Variants in TASP1 observed in about 807,000 individuals in gnomAD.
TASP1 encodes the protein taspase 1, also known as threonine aspartase 1.
A neutral mutation model predicts 56.6 loss-of-function variants in TASP1; 16 were observed. That is an observed-to-expected ratio of 0.28 (90% CI 0.19 to 0.43). The LOEUF (loss-of-function observed/expected upper bound fraction) is 0.43, where lower values mean the gene tolerates loss of function less well. Ranked by LOEUF, TASP1 falls within the 20% of genes least tolerant of loss-of-function variation. The pLI, the probability that TASP1 is intolerant of heterozygous loss-of-function variation, is 1.00. For missense variants in TASP1, 393 were observed against 511.6 expected (o/e 0.77, Z 2.24); for synonymous variants, 179 against 184.2 (o/e 0.97, Z 0.23).
chr20:13,129,415 G>A, the TASP1 span, among the ~76,000 whole-genome samples: 2 of 152,188 alleles, frequency 1.3e-5, no homozygotes, highest in African/African-American at 2.4e-5. Context: ...TTCCCACAAA[G>A]CCATATTAAT....
At chr20:13,148,320 T>C in the TASP1 span, among the ~76,000 whole-genome samples, 1 of 152,194 alleles carries the variant, frequency 6.6e-6, no homozygotes, top group African/African-American at 2.4e-5. Context: ...TAACCTAGCC[T>C]GTCTCTCAAA....
chr20:13,603,280 G>A (rs531713572), intron 4 of TASP1, among the ~76,000 whole-genome samples: 1 of 152,092 alleles, frequency 6.6e-6, no homozygotes, highest in African/African-American at 2.4e-5. Context: ...ACTCACACCT[G>A]TAATCCTAAC....
At chr20:13,180,931 A>G in the TASP1 span, among the ~76,000 whole-genome samples, 1 of 152,218 alleles carries the variant, frequency 6.6e-6, no homozygotes, top group South Asian at 2.1e-4. Context: ...ATTTAATAAA[A>G]AGAGTCATGA....
At chr20:13,330,894 TTTTC>T in the TASP1 span, among the ~76,000 whole-genome samples, 2 of 152,196 alleles carry the variant, frequency 1.3e-5, no homozygotes, top group African/African-American at 4.8e-5. Flanking sequence ...TCTCTCCCTT[TTTTC>T]TTTATCAGTC....
the TASP1 span, among the ~76,000 whole-genome samples, chr20:13,295,244 T>G: frequency 6.6e-6 from 1 of 152,198 alleles, no homozygotes; most frequent in Non-Finnish European, 1.5e-5. Flanking sequence ...GTATCTCACC[T>G]GGACCCTCCC....
At chr20:13,603,614 T>C (rs1416739449) in intron 4 of TASP1, among the ~76,000 whole-genome samples, 2 of 152,144 alleles carry the variant, frequency 1.3e-5, no homozygotes, top group East Asian at 3.9e-4. Context: ...ATAAAACATA[T>C]TATCTCTTAA....
At chr20:13,195,254 A>G in the TASP1 span, among the ~76,000 whole-genome samples, 1 of 152,218 alleles carries the variant, frequency 6.6e-6, no homozygotes, top group South Asian at 2.1e-4. Flanking sequence ...ATGAATTTCC[A>G]TTATACACAC....
At chr20:13,557,572 GTTTTTTTTTTTTTTTT>G (rs972801507) in intron 8 of TASP1, among the ~76,000 whole-genome samples, 1 of 99,738 alleles carries the variant, frequency 1.0e-5, no homozygotes, top group Non-Finnish European at 2.0e-5. Context: ...GATGTTTTTG[GTTTTTTTTTTTTTTTT>G]TTTTTTTTTT....
At chr20:13,492,383 A>C (rs1207722821) in intron 10 of TASP1, among the ~76,000 whole-genome samples, 1 of 152,186 alleles carries the variant, frequency 6.6e-6, no homozygotes, top group East Asian at 1.9e-4. Context: ...TTTTTCAACA[A>C]AGGAATTTAT....
rs3042648 is a variant in TASP1, at chr20:13,506,881, CA to C, written c.874+21551del. Among the ~76,000 whole-genome samples the C allele has an allele frequency of 2.8e-3, 405 of 144,028 alleles. 2 individuals carry two copies. The highest frequency in any genetic ancestry group is 0.01 in the African/African-American group (388 of 38,602). The allele number at this position is 144,028 out of a possible 152,430, so 94.5% of individuals were successfully genotyped here. A position where few individuals can be genotyped will look rare whatever the true frequency, so the allele number is the denominator to read the frequency against. Reference sequence around the variant, plus strand: ...CAAGTCTTAGCCAGAGAAATTAGGCCAAAAAAAAAAACAAAAGAGAGAGAAT... The same window carrying C: ...CAAGTCTTAGCCAGAGAAATTAGGCCAAAAAAAAAACAAAAGAGAGAGAAT... On this transcript the variant is annotated intron_variant, in intron 10 of 13. Coordinates refer to ENST00000337743, the MANE Select transcript of TASP1 (RefSeq NM_017714.3).
the TASP1 span, among the ~76,000 whole-genome samples, chr20:13,214,719 T>C: frequency 1.3e-5 from 2 of 152,258 alleles, no homozygotes; most frequent in South Asian, 4.1e-4. Context: ...TCACAAGGAT[T>C]CCACGGGTAC....
chr20:13,491,914 G>A (rs1467449975), intron 10 of TASP1, among the ~76,000 whole-genome samples: 1 of 152,154 alleles, frequency 6.6e-6, no homozygotes, highest in Non-Finnish European at 1.5e-5. Flanking sequence ...TAATATAATT[G>A]CTCCACAGGA....
the TASP1 span, among the ~76,000 whole-genome samples, chr20:13,192,424 C>T: frequency 6.6e-6 from 1 of 152,108 alleles, no homozygotes; most frequent in Non-Finnish European, 1.5e-5. Flanking sequence ...CCTGTGGTCC[C>T]AGCTACTCAG....
chr20:13,606,680 G>A (rs1192125354), intron 4 of TASP1, among the ~76,000 whole-genome samples: 2 of 151,898 alleles, frequency 1.3e-5, no homozygotes, highest in Non-Finnish European at 2.9e-5. Flanking sequence ...GGTAGTGGGC[G>A]CCTGTAGTCC....
At chr20:13,574,597 G>GA (rs1380824968) in intron 6 of TASP1, among the ~76,000 whole-genome samples, 1 of 150,998 alleles carries the variant, frequency 6.6e-6, no homozygotes, top group Non-Finnish European at 1.5e-5. Context: ...GAAGCTAGAG[G>GA]AAAGTTTAAC....
intron 8 of TASP1, among the ~76,000 whole-genome samples, chr20:13,535,078 T>C (rs1380875938): frequency 6.6e-6 from 1 of 152,134 alleles, no homozygotes; most frequent in Non-Finnish European, 1.5e-5. Context: ...ACCACCAGTA[T>C]GCATGTAAGA....
the TASP1 span, among the ~76,000 whole-genome samples, chr20:13,219,185 A>T: frequency 1.7e-4 from 26 of 152,286 alleles, no homozygotes; most frequent in South Asian, 5.4e-3. Flanking sequence ...TGGCAATAGG[A>T]AAGTCATTTG....
intron 10 of TASP1, among the ~76,000 whole-genome samples, chr20:13,516,371 T>C (rs2044533218): frequency 6.6e-6 from 1 of 151,404 alleles, no homozygotes; most frequent in Non-Finnish European, 1.5e-5. Flanking sequence ...GGCACACACA[T>C]CCTCGCTCCA....
chr20:13,529,168 C>T (rs1319104046), intron 9 of TASP1, among the ~76,000 whole-genome samples: 1 of 152,176 alleles, frequency 6.6e-6, no homozygotes, highest in Non-Finnish European at 1.5e-5. Flanking sequence ...GCAAAAAGGC[C>T]TACTCAAGCT....
Sources: allele counts gnomAD v4.1 joint callset (sites outside exome capture counted in the v4.1 genomes callset), GRCh38; gene constraint gnomAD v4.1.1; transcripts MANE v1.5; gene names NCBI Gene and HGNC (gene_info 2026-07-23, HGNC 2026-07-21).